Variants in ZNF100 observed in about 807,000 individuals in gnomAD.
ZNF100 encodes zinc finger protein 100, also known as zinc finger protein 100 (Y1).
In ZNF100, 12 loss-of-function variants were observed where a neutral mutation model predicts 15.8. The observed-to-expected ratio is 0.76, with a 90% CI of 0.49 to 1.23. The LOEUF is 1.23. ZNF100 is among the 50% of genes most tolerant of loss of function. ZNF100 has a pLI of 0.00. For synonymous variants in ZNF100, 226 were observed against 214.8 expected (o/e 1.05, Z -0.45); for missense variants, 670 against 635.6 (o/e 1.05, Z -0.58).
chr19:21,751,037 A>G (rs1264278041), intron 2 of ZNF100: 5 of 1,330,748 alleles, frequency 3.8e-6, no homozygotes, highest in Non-Finnish European at 4.3e-6. Flanking sequence ...CACCTGCAGC[A>G]CATCAGCGAC....
intron 2 of ZNF100, 71 bp downstream of exon 2, chr19:21,765,623 G>T: frequency 1.4e-6 from 2 of 1,424,228 alleles, no homozygotes; most frequent in African/African-American, 1.4e-5. Flanking sequence ...CTGATTGGCT[G>T]ACCAGCAACG....
At chr19:21,732,273 A>G (rs1201450693) in intron 4 of ZNF100, among the ~76,000 whole-genome samples, 2 of 152,248 alleles carry the variant, frequency 1.3e-5, no homozygotes, top group Non-Finnish European at 2.9e-5. Flanking sequence ...TTCAAATCCC[A>G]AAGTGTTTCT....
At position 21,744,098 on chromosome 19, in the gene ZNF100, T is replaced by C; in HGVS notation, c.241A>G (p.Lys81Glu). 1 of 1,605,120 alleles carries C rather than the reference T, an allele frequency of 6.2e-7. No individual in the cohort carries two copies. The highest frequency in any genetic ancestry group is 8.5e-7 in the Non-Finnish European group (1 of 1,177,542). Residue 81 changes from lysine to glutamate, a missense_variant, in exon 4 of 5, where the codon AAG (lysine) becomes GAG (glutamate). By Grantham distance (56) the Lys-to-Glu change is moderately conservative (BLOSUM62 1). Transcript: ENST00000358296. ...LVFLAGIALT[K>E]PDLITCLEQG... is the part of the protein sequence containing the mutation. ...TCCAGACAGGTGATCAGGTCTGGCT[T>C]AGTGAGAGCAATACCTGCTTTATTA...
chr19:21,766,541 T>TG (rs901149285), intron 1 of ZNF100, among the ~76,000 whole-genome samples: 4 of 152,142 alleles, frequency 2.6e-5, no homozygotes, highest in Non-Finnish European at 5.9e-5. Flanking sequence ...AATCTTCACC[T>TG]GTATTGTACA....
Position 21,723,524 on chromosome 19 carries a change from TAC to T in ZNF100, c.*3157_*3158del, listed in dbSNP as rs1339879648. ...CATAGCTGGGGATACACATAATAAA[TAC>T]AGAGAAATCTGAAGATAATTAAGAA... On this transcript the variant is annotated 3_prime_UTR_variant, in exon 5 of 5. Transcript: ENST00000358296. 3.3e-5 allele frequency: 5 copies of T among 152,120 alleles called. No individual in the cohort carries two copies. The East Asian group carries it at 9.6e-4, about 29-fold the overall frequency. 9.4% of individuals were successfully genotyped at this position (152,120 alleles called of 1,614,324 possible). A position where few individuals can be genotyped will look rare whatever the true frequency, so the allele number is the denominator to read the frequency against.
In ZNF100 at chr19:21,725,110, T is replaced by C. The variant is rs565913006; in HGVS notation, c.*1573A>G. The C allele has an allele frequency of 6.6e-6, 1 of 152,256 alleles. No homozygotes were observed. Among genetic ancestry groups the C allele is most frequent in the East Asian group, 1.9e-4 (1 of 5,190 alleles). 9.4% of individuals were successfully genotyped at this position (152,256 alleles called of 1,614,324 possible). ...TACAGAAATAATATTCTTTAACTTA[T>C]TTGCAGTCAAAGCCACTAGCAAAAG... On this transcript the variant is annotated 3_prime_UTR_variant, in exon 5 of 5. Transcript: ENST00000358296.
intron 4 of ZNF100, 141 bp from the exon 5 acceptor site, chr19:21,728,130 G>T: frequency 2.4e-4 from 163 of 680,480 alleles, no homozygotes; most frequent in South Asian, 3.2e-4. Flanking sequence ...ACATATAAAT[G>T]TAAAAAAAAA....
intron 1 of ZNF100, among the ~76,000 whole-genome samples, chr19:21,766,972 C>T (rs527953777): frequency 1.4e-5 from 2 of 143,444 alleles, no homozygotes; most frequent in South Asian, 4.7e-4. Context: ...CTAGCCTGGG[C>T]GACAGAGCGA....
In ZNF100 at chr19:21,727,748, T is replaced by C. The variant is rs774866519; in HGVS notation, c.564A>G (p.Thr188=). 3 of 1,613,802 alleles carry C rather than the reference T, an allele frequency of 1.9e-6. No homozygotes were observed. Among genetic ancestry groups the C allele is most frequent in the Non-Finnish European group, 1.7e-6 (2 of 1,179,904 alleles). Residue 188 remains threonine (T), a synonymous_variant, in exon 5 of 5, where the codon ACA becomes ACG. Transcript: ENST00000358296. ...TCTTATGTCTGTTTGAATTTGAAAA[T>C]GTATGAAAGACTTTTGCAGATGGAT... is the stretch of plus-strand genomic sequence containing the variant. The part of the protein sequence containing the change: ...QCDPSAKVFH[T]FSNSNRHKIR...
At chr19:21,731,077 A>G (rs557921114) in intron 4 of ZNF100, among the ~76,000 whole-genome samples, 22 of 152,016 alleles carry the variant, frequency 1.4e-4, no homozygotes, top group African/African-American at 5.3e-4. Flanking sequence ...CAAAAAAAAG[A>G]AAATGTTGAA....
intron 4 of ZNF100, among the ~76,000 whole-genome samples, chr19:21,739,093 C>T (rs563846871): frequency 6.6e-6 from 1 of 152,332 alleles, no homozygotes; most frequent in Admixed American, 6.5e-5. Flanking sequence ...CCAGGTTCCA[C>T]ATCCAACATT....
chr19:21,736,127 G>A (rs564448489), intron 4 of ZNF100, among the ~76,000 whole-genome samples: 25 of 150,466 alleles, frequency 1.7e-4, no homozygotes, highest in East Asian at 1.0e-3. Context: ...TCACTCTGTT[G>A]CCCATGCTAG....
rs770484313 is a variant in ZNF100 at position 21,727,845 on chromosome 19, T to C, written c.467A>G (p.Lys156Arg). ...TTTGTTATCATGTTCTTTGTGCACT[T>C]TACACTCATCCACACTTTTACAGCC... is the stretch of plus-strand genomic sequence containing the variant. ...QKGCKSVDEC[K>R]VHKEHDNKLN... Residue 156 changes from lysine (K) to arginine (R), a missense_variant, in exon 5 of 5, where the codon AAA becomes AGA. Transcript: ENST00000358296. The C allele has an allele frequency of 3.1e-6, 5 of 1,612,938 alleles. No homozygotes were observed. The South Asian group carries it at 5.5e-5, about 18-fold the overall frequency.
rs191208293 is a variant in ZNF100, at chr19:21,748,410, G to A, written c.97-3343C>T. ...ATGGAGAATTCTGTTCTCTGCCACTGGAGTATTTCCAGTTCTGTTTTTCCT... is the reference window on the plus strand; with the variant it reads ...ATGGAGAATTCTGTTCTCTGCCACTAGAGTATTTCCAGTTCTGTTTTTCCT... On this transcript the variant is annotated intron_variant, in intron 2 of 4. Coordinates refer to ENST00000358296, the MANE Select transcript of ZNF100 (RefSeq NM_173531.4). Among the ~76,000 whole-genome samples, 666 of 152,242 alleles carry A rather than the reference G, an allele frequency of 4.4e-3. 1 individual carries two copies. Among genetic ancestry groups the A allele is most frequent in the African/African-American group, 0.015 (643 of 41,538 alleles).
intron 4 of ZNF100, among the ~76,000 whole-genome samples, chr19:21,731,836 C>A (rs2035925174): frequency 6.6e-6 from 1 of 152,060 alleles, no homozygotes; most frequent in Admixed American, 6.6e-5. Flanking sequence ...TTGCAAAGTG[C>A]CAGAACATCA....
chr19:21,745,351 T>C (rs2036193363), intron 2 of ZNF100, among the ~76,000 whole-genome samples: 1 of 152,212 alleles, frequency 6.6e-6, no homozygotes, highest in Admixed American at 6.5e-5. Flanking sequence ...TTTTTGAGTG[T>C]TATTATTTAT....
chr19:21,756,337 TC>T (rs2036392831), intron 2 of ZNF100, among the ~76,000 whole-genome samples: 1 of 152,072 alleles, frequency 6.6e-6, no homozygotes, highest in South Asian at 2.1e-4. Flanking sequence ...AAACTCCTGT[TC>T]GACATAGAAT....
At chr19:21,743,989 G>A (rs1478673361) in intron 4 of ZNF100, 28 bp downstream of exon 4, 2 of 1,578,718 alleles carry the variant, frequency 1.3e-6, no homozygotes, top group Non-Finnish European at 8.6e-7. Context: ...TCACATCTGT[G>A]TCATCTGTTG....
intron 4 of ZNF100, among the ~76,000 whole-genome samples, chr19:21,735,304 C>T (rs904982825): frequency 4.6e-5 from 7 of 152,068 alleles, no homozygotes; most frequent in Admixed American, 3.9e-4. Flanking sequence ...ACCATCTTAG[C>T]TAACACGGTG....
Sources: allele counts gnomAD v4.1 joint callset (sites outside exome capture counted in the v4.1 genomes callset), GRCh38; gene constraint gnomAD v4.1.1; transcripts MANE v1.5; gene names NCBI Gene and HGNC (gene_info 2026-07-23, HGNC 2026-07-21).